Variants in FHAD1 observed in about 807,000 individuals in gnomAD.
The protein encoded by FHAD1 is forkhead-associated domain-containing protein 1.
Under a neutral mutation model 191.3 loss-of-function variants are expected in FHAD1, and 146 were observed. That is an observed-to-expected ratio of 0.76 (90% CI 0.67 to 0.88). FHAD1 has a LOEUF of 0.88. Ranked by LOEUF, FHAD1 falls within the 40% of genes least tolerant of loss-of-function variation. FHAD1 has a pLI of 0.00. For synonymous variants in FHAD1, 616 were observed against 672.3 expected (o/e 0.92, Z 1.29); for missense variants, 1,635 against 1,785.8 (o/e 0.92, Z 1.52).
At chr1:15,324,351 C>T in intron 10 of FHAD1, 101 bp from the exon 11 acceptor site, 1 of 930,480 alleles carries the variant, frequency 1.1e-6, no homozygotes, top group Admixed American at 2.0e-5. Context: ...TGTGCCTACC[C>T]CTCTGGGACC....
At chr1:15,290,089 G>C (rs756704396) in intron 4 of FHAD1, among the ~76,000 whole-genome samples, 1 of 152,200 alleles carries the variant, frequency 6.6e-6, no homozygotes, top group Non-Finnish European at 1.5e-5. Context: ...ACAGGTCAGA[G>C]GAGAGTGACA....
At chr1:15,377,981 T>C (rs1445882101) in intron 28 of FHAD1, among the ~76,000 whole-genome samples, 1 of 152,046 alleles carries the variant, frequency 6.6e-6, no homozygotes, top group African/African-American at 2.4e-5. Context: ...TCAGTTACCA[T>C]TGTTATCCCC....
intron 4 of FHAD1, among the ~76,000 whole-genome samples, chr1:15,290,844 G>GA (rs1664379062): frequency 6.6e-6 from 1 of 152,008 alleles, no homozygotes; most frequent in Non-Finnish European, 1.5e-5. Context: ...GAGTAGCTGG[G>GA]ACTACAGGCT....
At chr1:15,269,971 C>T (rs992810606) in intron 2 of FHAD1, among the ~76,000 whole-genome samples, 6 of 142,788 alleles carry the variant, frequency 4.2e-5, no homozygotes, top group Non-Finnish European at 9.0e-5. Flanking sequence ...AGTGCAATGG[C>T]ATGGTCTCAG....
chr1:15,341,655 A>G (rs2102244325), intron 15 of FHAD1, 81 bp from the exon 16 acceptor site: 2 of 1,251,798 alleles, frequency 1.6e-6, no homozygotes, highest in Non-Finnish European at 2.2e-6. Flanking sequence ...AGAAAGGTAA[A>G]CAATTGGTAA....
intron 2 of FHAD1, among the ~76,000 whole-genome samples, chr1:15,255,219 T>C (rs774085370): frequency 2.0e-5 from 3 of 152,202 alleles, no homozygotes; most frequent in Non-Finnish European, 4.4e-5. Flanking sequence ...GGAGCTATGC[T>C]TGTAAAGATT....
chr1:15,247,423 G>A (rs1646206643), intron 1 of FHAD1, 28 bp downstream of exon 1: 1 of 190,922 alleles, frequency 5.2e-6, no homozygotes, highest in Non-Finnish European at 1.1e-5. Flanking sequence ...AGGGGTGGCG[G>A]GCCGAGACCG....
chr1:15,338,919 A>T (rs1037992979), intron 14 of FHAD1, among the ~76,000 whole-genome samples: 2 of 152,246 alleles, frequency 1.3e-5, no homozygotes, highest in Non-Finnish European at 2.9e-5. Flanking sequence ...TGCTTCACAC[A>T]CAGTAGACAG....
intron 1 of FHAD1, among the ~76,000 whole-genome samples, chr1:15,251,393 C>G (rs183813166): frequency 1.3e-5 from 2 of 152,196 alleles, no homozygotes; most frequent in East Asian, 3.9e-4. Flanking sequence ...GAACACAGAA[C>G]TTGAATACTT....
intron 5 of FHAD1, 103 bp downstream of exon 5, chr1:15,296,896 C>A: frequency 1.1e-6 from 1 of 877,602 alleles, no homozygotes; most frequent in Non-Finnish European, 1.7e-6. Context: ...CCTTATCCTG[C>A]TTCCAAGAAA....
At chr1:15,321,729 A>G (rs1314180139) in intron 10 of FHAD1, among the ~76,000 whole-genome samples, 1 of 152,182 alleles carries the variant, frequency 6.6e-6, no homozygotes, top group Non-Finnish European at 1.5e-5. Context: ...ATATTCTCTC[A>G]GGAGTGTGTG....
At chr1:15,340,345 G>C (rs544263809) in intron 15 of FHAD1, among the ~76,000 whole-genome samples, 1 of 152,144 alleles carries the variant, frequency 6.6e-6, no homozygotes. Context: ...TACTCCTCAC[G>C]TGTCTGGGGT....
chr1:15,332,921 G>A (rs1390265318), intron 14 of FHAD1, among the ~76,000 whole-genome samples: 1 of 152,148 alleles, frequency 6.6e-6, no homozygotes, highest in South Asian at 2.1e-4. Context: ...ACAAGAAGGG[G>A]ATAAAGAAAA....
chr1:15,269,417 G>C (rs187231807), intron 2 of FHAD1, among the ~76,000 whole-genome samples: 1 of 152,086 alleles, frequency 6.6e-6, no homozygotes, highest in African/African-American at 2.4e-5. Context: ...TTCCTTCACC[G>C]TGTGTTATTT....
rs1204787720 is a variant in FHAD1 at position 15,397,401 on chromosome 1, T to C, written c.4428T>C (p.Ser1476=). The change falls in exon 34 of 34, where the codon AGT becomes AGC. Residue 1476 remains serine (S), a synonymous_variant. Transcript: ENST00000688493. ...SSQSLLHSKP[S]GKY Reference sequence around the variant, plus strand: ...AGAGCCTTTTGCATTCTAAGCCCAGTGGAAAGTACTAGAGAAACCTCGTCC... The same window carrying C: ...AGAGCCTTTTGCATTCTAAGCCCAGCGGAAAGTACTAGAGAAACCTCGTCC... The C allele has an allele frequency of 6.5e-7, 1 of 1,528,758 alleles. No individual in the cohort carries two copies. The highest frequency in any genetic ancestry group is 8.8e-7 in the Non-Finnish European group (1 of 1,131,156). 94.7% of individuals were successfully genotyped at this position (1,528,758 alleles called of 1,614,324 possible).
chr1:15,389,728 G>A (rs1014278282), intron 32 of FHAD1, among the ~76,000 whole-genome samples: 4 of 152,118 alleles, frequency 2.6e-5, no homozygotes, highest in South Asian at 2.1e-4. Flanking sequence ...CACTGTCCCC[G>A]TGGGTCTGGG....
intron 3 of FHAD1, among the ~76,000 whole-genome samples, chr1:15,288,671 C>T (rs574971998): frequency 6.6e-6 from 1 of 152,300 alleles, no homozygotes; most frequent in African/African-American, 2.4e-5. Context: ...GCTGAGGATA[C>T]AGTGGTAAGG....
intron 3 of FHAD1, among the ~76,000 whole-genome samples, chr1:15,288,857 A>G (rs1663452999): frequency 6.6e-6 from 1 of 152,174 alleles, no homozygotes; most frequent in East Asian, 1.9e-4. Flanking sequence ...TTTCGGCAAG[A>G]TGCCTGGGTA....
In FHAD1 at chr1:15,325,480, C is replaced by T. The variant is rs1678118009; in HGVS notation, c.1473+921C>T. 6.6e-6 allele frequency: 1 copy of T among 152,388 alleles called. No individual in the cohort carries two copies. The highest frequency in any genetic ancestry group is 2.4e-5 in the African/African-American group (1 of 41,456). The allele number at this position is 152,388 out of a possible 1,614,324, so 9.4% of individuals were successfully genotyped here. A position where few individuals can be genotyped will look rare whatever the true frequency, so the allele number is the denominator to read the frequency against. On this transcript the variant is annotated intron_variant, in intron 11 of 33. Transcript: ENST00000688493. This position sits in a 1 kb window ranked among gnomAD's most constrained non-coding sequence, Gnocchi z 4.6. ...CAAAGCCCTTCCATTTTCTACCATC[C>T]AAGCCTTACCAGGCAGTGTGACCAG...
Sources: allele counts gnomAD v4.1 joint callset (sites outside exome capture counted in the v4.1 genomes callset), GRCh38; gene constraint gnomAD v4.1.1; non-coding constraint Gnocchi (gnomAD v3.1); transcripts MANE v1.5; gene names NCBI Gene and HGNC (gene_info 2026-07-23, HGNC 2026-07-21).